The following SNAP47 variants were observed in gnomAD, a reference collection of about 807,000 sequenced individuals.
The protein encoded by SNAP47 is synaptosome associated protein 47.
SNAP47 carries 20 observed loss-of-function variants against 31.4 expected under a neutral mutation model. The ratio of observed to expected loss-of-function variants is 0.64; its 90% confidence interval spans 0.45 to 0.93. The LOEUF is 0.93. Ranked by LOEUF, SNAP47 falls within the 40% of genes least tolerant of loss-of-function variation. SNAP47 has a pLI of 0.00. For missense variants in SNAP47, 492 were observed against 528.5 expected (o/e 0.93, Z 0.68); for synonymous variants, 194 against 213.4 (o/e 0.91, Z 0.79).
intron 3 of SNAP47, among the ~76,000 whole-genome samples, chr1:227,761,491 T>C (rs78873054): frequency 0.019 from 2,839 of 152,280 alleles, 94 homozygotes; most frequent in African/African-American, 0.064. Context: ...TGAAATGTAA[T>C]GAAATCCATT....
chr1:227,751,146 A>G (rs1662320791), intron 2 of SNAP47, among the ~76,000 whole-genome samples: 1 of 152,308 alleles, frequency 6.6e-6, no homozygotes, highest in Middle Eastern at 3.4e-3. Context: ...CTCCCTGAAC[A>G]CTGTGGCTTT....
intron 4 of SNAP47, among the ~76,000 whole-genome samples, chr1:227,778,382 G>A (rs543354400): frequency 4.6e-5 from 7 of 152,366 alleles, no homozygotes; most frequent in African/African-American, 7.2e-5. Context: ...CTCCCCAGCC[G>A]TCAGCTCATG....
chr1:227,767,551 G>A (rs1663503904), intron 4 of SNAP47, among the ~76,000 whole-genome samples: 1 of 151,508 alleles, frequency 6.6e-6, no homozygotes, highest in Admixed American at 6.6e-5. Flanking sequence ...GAGTACATGT[G>A]TGTGTTGTGT....
In SNAP47 at chr1:227,741,626, G is replaced by T. The variant is rs879855544; in HGVS notation, c.-45-6066G>T. Among the ~76,000 whole-genome samples the T allele has an allele frequency of 2.0e-5, 3 of 152,172 alleles. No individual in the cohort carries two copies. The highest frequency in any genetic ancestry group is 4.4e-5 in the Non-Finnish European group (3 of 68,020). On this transcript the variant is annotated intron_variant, in intron 1 of 4. Coordinates refer to ENST00000617596, the MANE Select transcript of SNAP47 (RefSeq NM_053052.4). This position sits in a 1 kb window ranked among gnomAD's most constrained non-coding sequence, Gnocchi z 4.2. Reference sequence around the variant, plus strand: ...AGAGGTCTGGGGGCTGAGAGAGAGAGGGTGGGATCAGGGCCCCGGGAGGAG... The same window carrying T: ...AGAGGTCTGGGGGCTGAGAGAGAGATGGTGGGATCAGGGCCCCGGGAGGAG...
chr1:227,768,323 G>A (rs1663569775), intron 4 of SNAP47: 7 of 985,444 alleles, frequency 7.1e-6, no homozygotes, highest in Middle Eastern at 5.2e-4. Flanking sequence ...CTGTGTCCAC[G>A]CAGGGCATGG....
intron 2 of SNAP47, among the ~76,000 whole-genome samples, chr1:227,758,161 G>GCA (rs1242396135): frequency 6.6e-6 from 1 of 152,210 alleles, no homozygotes; most frequent in Non-Finnish European, 1.5e-5. Flanking sequence ...CATGGCATCT[G>GCA]CTGTGACATT....
At chr1:227,732,129 C>T (rs1660689171), upstream of SNAP47, 1 of 563,574 alleles carries the variant, frequency 1.8e-6, no homozygotes, top group Non-Finnish European at 3.2e-6. Flanking sequence ...GGCAGGGCCC[C>T]CAAAAGAGCC....
At chr1:227,734,824 G>A (rs1442798297), upstream of SNAP47, 2 of 1,613,528 alleles carry the variant, frequency 1.2e-6, no homozygotes, top group Non-Finnish European at 1.7e-6. Context: ...CTCCTGAAAT[G>A]AAAGGCACGG....
chr1:227,734,987 C>G, upstream of SNAP47: 1 of 1,511,532 alleles, frequency 6.6e-7, no homozygotes, highest in Non-Finnish European at 8.8e-7. Context: ...TCCTCCCCGC[C>G]CGGGGTCTGC....
intron 4 of SNAP47, among the ~76,000 whole-genome samples, chr1:227,774,350 G>C (rs553233188): frequency 6.6e-6 from 1 of 152,310 alleles, no homozygotes; most frequent in Non-Finnish European, 1.5e-5. Context: ...GGTTTGTGCA[G>C]CTGTTGACAC....
At chr1:227,776,547 A>G (rs1196910134) in intron 4 of SNAP47, 5 of 985,358 alleles carry the variant, frequency 5.1e-6, no homozygotes, top group African/African-American at 1.7e-5. Flanking sequence ...CAATGGCTAG[A>G]TGGCTTGTCA....
At chr1:227,749,981 C>T (rs1662242757) in intron 2 of SNAP47, among the ~76,000 whole-genome samples, 1 of 152,270 alleles carries the variant, frequency 6.6e-6, no homozygotes, top group Non-Finnish European at 1.5e-5. Context: ...GCACCCACAG[C>T]TGCAGTGGGC....
At chr1:227,739,765 C>T (rs975540886) in intron 1 of SNAP47, among the ~76,000 whole-genome samples, 27 of 152,204 alleles carry the variant, frequency 1.8e-4, no homozygotes, top group African/African-American at 5.1e-4. Context: ...TCCCCAAGAG[C>T]GTCACTTGTG....
chr1:227,732,087 C>A (rs772479101), upstream of SNAP47: 14 of 485,482 alleles, frequency 2.9e-5, no homozygotes, highest in Non-Finnish European at 4.5e-5. Flanking sequence ...CAGACACAGA[C>A]TCCTGTCAGC....
intron 1 of SNAP47, among the ~76,000 whole-genome samples, chr1:227,740,925 C>T (rs1487199637): frequency 2.1e-5 from 3 of 145,852 alleles, no homozygotes; most frequent in East Asian, 2.0e-4. Context: ...TTGGGGTGCC[C>T]GTTAGGGGTG....
Position 227,748,131 on chromosome 1 carries a change from G to A in SNAP47, c.395G>A (p.Arg132His), listed in dbSNP as rs139576116. 123 of 1,613,992 alleles carry A rather than the reference G, an allele frequency of 7.6e-5. 2 individuals carry two copies. In the East Asian group the frequency reaches 1.9e-3, roughly 25 times the overall value. Reference protein sequence around the residue: ...LTGLMAGSQKRLEDTARVLHH... With the variant: ...LTGLMAGSQKHLEDTARVLHH... ...GGACTCATGGCTGGATCCCAGAAAC[G>A]CCTGGAGGACACGGCGAGGGTCCTG... Residue 132 changes from arginine (R) to histidine (H), a missense_variant, in exon 2 of 5, where the codon CGC becomes CAC. By Grantham distance (29) the Arg-to-His change is conservative. Coordinates refer to ENST00000617596, the MANE Select transcript of SNAP47 (RefSeq NM_053052.4).
Position 227,763,199 on chromosome 1 carries a change from C to T in SNAP47, c.988+3714C>T, listed in dbSNP as rs769194383. On this transcript the variant is annotated intron_variant, in intron 3 of 4. Coordinates refer to ENST00000617596, the MANE Select transcript of SNAP47 (RefSeq NM_053052.4). This position sits in a 1 kb window ranked among gnomAD's most constrained non-coding sequence, Gnocchi z 4.2. ...TGAACTCCTGGGCTCAAGTGATCCT[C>T]TCACCTCAGCCTCCCAGAGTGCTGG... Among the ~76,000 whole-genome samples, 1 of 152,090 alleles carries T rather than the reference C, an allele frequency of 6.6e-6. No homozygotes were observed. Among genetic ancestry groups the T allele is most frequent in the East Asian group, 1.9e-4 (1 of 5,188 alleles).
rs765555970 is a variant in SNAP47, at chr1:227,767,042, C to T, written c.1072C>T (p.Leu358=). 6.2e-7 allele frequency: 1 copy of T among 1,614,106 alleles called. No homozygotes were observed. Among genetic ancestry groups the T allele is most frequent in the Non-Finnish European group, 8.5e-7 (1 of 1,180,044 alleles). The change falls in exon 4 of 5, where the codon CTG becomes TTG. Residue 358 remains leucine, a synonymous_variant. Transcript: ENST00000617596. The part of the protein sequence containing the change: ...EGTALHLQTS[L]PALSEADTQE... ...CACAGCACTGCACCTGCAGACAAGC[C>T]TGCCAGCCCTTTCTGAGGCAGATAC...
rs766348817 is a variant in SNAP47, at chr1:227,759,069, A to C, written c.572A>C (p.Lys191Thr). The change falls in exon 3 of 5, where the codon AAG (lysine) becomes ACG (threonine). Residue 191 changes from lysine (K) to threonine (T), a missense_variant. By Grantham distance (78) the Lys-to-Thr change is moderately conservative. Coordinates refer to ENST00000617596, the MANE Select transcript of SNAP47 (RefSeq NM_053052.4). ...SKLWKTPPET[K>T]PREDVSMTSC... ...CTTTGGAAGACACCACCGGAAACAA[A>C]GCCCAGGGAAGATGTCTCCATGACC... is the stretch of plus-strand genomic sequence containing the variant. 3.7e-6 allele frequency: 6 copies of C among 1,613,954 alleles called. No homozygotes were observed. In the African/African-American group the frequency reaches 6.7e-5, roughly 18 times the overall value.
Sources: allele counts gnomAD v4.1 joint callset (sites outside exome capture counted in the v4.1 genomes callset), GRCh38; gene constraint gnomAD v4.1.1; non-coding constraint Gnocchi (gnomAD v3.1); transcripts MANE v1.5; gene names NCBI Gene and HGNC (gene_info 2026-07-23, HGNC 2026-07-21).